The following SEC23A variants were observed in gnomAD, a reference collection of about 807,000 sequenced individuals.
The protein encoded by SEC23A is protein transport protein Sec23A.
Under a neutral mutation model 103.7 loss-of-function variants are expected in SEC23A, and 56 were observed. The ratio of observed to expected loss-of-function variants is 0.54; its 90% CI spans 0.44 to 0.67. SEC23A has a LOEUF of 0.67. Ranked by LOEUF, SEC23A falls within the 30% of genes least tolerant of loss-of-function variation. The pLI, the probability that SEC23A is intolerant of heterozygous loss-of-function variation, is 0.00. For synonymous variants in SEC23A, 281 were observed against 293.0 expected, an observed-to-expected ratio of 0.96 and a Z score of 0.42; for missense variants, 784 against 936.4, an observed-to-expected ratio of 0.84 and a Z score of 2.12.
intron 2 of SEC23A, 73 bp downstream of exon 2, chr14:39,095,825 T>C: frequency 1.7e-6 from 2 of 1,190,088 alleles, no homozygotes. Context: ...GGGATTTTTA[T>C]AAAAATATGC....
chr14:39,055,299 G>A lies in SEC23A; in HGVS notation c.1506-3C>T. On this transcript the variant is annotated splice_region_variant and splice_polypyrimidine_tract_variant and intron_variant, in intron 13 of 19. Transcript: ENST00000307712. ...TTTGAGTTTGAGCATCTGCCCAGCT[G>A]AAGACAATAAGAAAGCATAGAAATG... 6.2e-7 allele frequency: 1 copy of A among 1,613,762 alleles called. No individual in the cohort carries two copies. The highest frequency in any genetic ancestry group is 8.5e-7 in the Non-Finnish European group (1 of 1,179,848).
chr14:39,065,406 T>TAA (rs11396835), intron 10 of SEC23A, among the ~76,000 whole-genome samples: 3 of 147,026 alleles, frequency 2.0e-5, no homozygotes, highest in Middle Eastern at 3.5e-3. Flanking sequence ...ACCTTCTGTC[T>TAA]AAAAAAAAAA....
At chr14:39,039,127 A>T in intron 18 of SEC23A, 31 bp from the exon 19 acceptor site, 8 of 1,589,944 alleles carry the variant, frequency 5.0e-6, no homozygotes, top group Non-Finnish European at 6.9e-6. Flanking sequence ...AACATTATCC[A>T]TCAAAAATGG....
intron 7 of SEC23A, 94 bp from the exon 8 acceptor site, chr14:39,076,187 G>T: frequency 1.0e-6 from 1 of 957,396 alleles, no homozygotes; most frequent in Non-Finnish European, 1.6e-6. Flanking sequence ...TAAGAGAAAA[G>T]CATATATTTT....
intron 9 of SEC23A, 41 bp from the exon 10 acceptor site, chr14:39,067,337 T>A (rs1456033966): frequency 6.2e-6 from 10 of 1,608,304 alleles, no homozygotes; most frequent in Admixed American, 1.7e-5. Flanking sequence ...TTGACACAGT[T>A]ACTGAGTCCG....
intron 14 of SEC23A, among the ~76,000 whole-genome samples, chr14:39,053,956 G>C (rs970120027): frequency 6.6e-6 from 1 of 152,054 alleles, no homozygotes; most frequent in Non-Finnish European, 1.5e-5. Context: ...AAAATAGTGA[G>C]ACCCAGTCTC....
chr14:39,033,175 A>G lies in SEC23A; in HGVS notation c.*64T>C. The G allele has an allele frequency of 2.3e-6, 3 of 1,281,478 alleles. No individual in the cohort carries two copies. Among genetic ancestry groups the G allele is most frequent in the Non-Finnish European group, 3.4e-6 (3 of 877,246 alleles). The allele number at this position is 1,281,478 out of a possible 1,614,324, so 79.4% of individuals were successfully genotyped here. A position where few individuals can be genotyped will look rare whatever the true frequency, so the allele number is the denominator to read the frequency against. On this transcript the variant is annotated 3_prime_UTR_variant, in exon 20 of 20. Transcript: ENST00000307712. ...TGTTGGTTTCCACAGATAAATGGAAAAAGGAAAAAATGAAATTTGAATATT... is the reference window on the plus strand; with the variant it reads ...TGTTGGTTTCCACAGATAAATGGAAGAAGGAAAAAATGAAATTTGAATATT...
At chr14:39,033,393 A>G in intron 19 of SEC23A, 65 bp from the exon 20 acceptor site, 3 of 1,065,188 alleles carry the variant, frequency 2.8e-6, no homozygotes, top group Non-Finnish European at 4.4e-6. Flanking sequence ...TTATACACAA[A>G]TGTTTAAAAT....
intron 9 of SEC23A, among the ~76,000 whole-genome samples, chr14:39,068,214 A>C (rs59881143): frequency 1.3e-5 from 2 of 151,950 alleles, no homozygotes; most frequent in African/African-American, 4.8e-5. Flanking sequence ...AGATTGGCAA[A>C]AATCAGTTTG....
intron 9 of SEC23A, among the ~76,000 whole-genome samples, chr14:39,068,298 GGT>G (rs1423023625): frequency 6.6e-6 from 1 of 151,942 alleles, no homozygotes; most frequent in Non-Finnish European, 1.5e-5. Flanking sequence ...ACTGCAAAAT[GGT>G]ACAACCCCAG....
At chr14:39,065,109 A>C in intron 10 of SEC23A, 116 bp from the exon 11 acceptor site, 1 of 737,122 alleles carries the variant, frequency 1.4e-6, no homozygotes, top group Non-Finnish European at 2.4e-6. Flanking sequence ...AGCCAATGAA[A>C]ATATACTAAC....
chr14:39,042,885 A>C lies in SEC23A; in HGVS notation c.1900-13T>G. 6.4e-7 allele frequency: 1 copy of C among 1,560,662 alleles called. No homozygotes were observed. Among genetic ancestry groups the C allele is most frequent in the Non-Finnish European group, 8.8e-7 (1 of 1,132,008 alleles). ...CAAGAAGAACCGGCTAACGTAAAGA[A>C]AACAATGAGAAATGAGGAAAAAGGA... is the stretch of plus-strand genomic sequence containing the variant. On this transcript the variant is annotated splice_polypyrimidine_tract_variant and intron_variant, in intron 16 of 19. Coordinates refer to ENST00000307712, the MANE Select transcript of SEC23A (RefSeq NM_006364.4).
At chr14:39,042,939 G>C in intron 16 of SEC23A, 67 bp from the exon 17 acceptor site, 2 of 975,966 alleles carry the variant, frequency 2.0e-6, no homozygotes, top group Non-Finnish European at 3.2e-6. Context: ...ATATAAAATA[G>C]ATGTTTCCAG....
At chr14:39,097,473 T>C (rs1887926895) in intron 1 of SEC23A, among the ~76,000 whole-genome samples, 1 of 152,170 alleles carries the variant, frequency 6.6e-6, no homozygotes, top group South Asian at 2.1e-4. Flanking sequence ...GATTCTAAAA[T>C]TTAAGTGAAG....
At chr14:39,049,234 T>C (rs1885956432) in intron 14 of SEC23A, among the ~76,000 whole-genome samples, 1 of 151,750 alleles carries the variant, frequency 6.6e-6, no homozygotes, top group Non-Finnish European at 1.5e-5. Context: ...TCCCAGCACT[T>C]TGGGAGGCCA....
At chr14:39,051,105 C>A (rs966775161) in intron 14 of SEC23A, among the ~76,000 whole-genome samples, 11 of 152,152 alleles carry the variant, frequency 7.2e-5, no homozygotes, top group African/African-American at 2.4e-4. Context: ...TTTTCCTAAT[C>A]AAAAACCTAG....
intron 1 of SEC23A, among the ~76,000 whole-genome samples, chr14:39,101,129 C>G (rs956489429): frequency 2.0e-5 from 3 of 152,132 alleles, no homozygotes; most frequent in Non-Finnish European, 4.4e-5. Context: ...CAGGCGTAAA[C>G]TGCCGCACCC....
rs562200303 is a variant in SEC23A, at chr14:39,042,751, T to A, written c.1986+35A>T. 10 of 1,300,544 alleles carry A rather than the reference T, an allele frequency of 7.7e-6. No individual in the cohort carries two copies. The African/African-American group carries it at 1.0e-4, about 13-fold the overall frequency. The allele number at this position is 1,300,544 out of a possible 1,614,324, so 80.6% of individuals were successfully genotyped here. ...AAAACCTTTCTAAGTAAAAAGACTTTACATGCATAGCTTTAAATGCTATTG... is the reference window on the plus strand; with the variant it reads ...AAAACCTTTCTAAGTAAAAAGACTTAACATGCATAGCTTTAAATGCTATTG... On this transcript the variant is annotated intron_variant, in intron 17 of 19. Coordinates refer to ENST00000307712, the MANE Select transcript of SEC23A (RefSeq NM_006364.4).
intron 15 of SEC23A, chr14:39,047,414 C>T (rs1885876460): frequency 1.6e-6 from 2 of 1,288,618 alleles, no homozygotes; most frequent in Non-Finnish European, 2.0e-6. Flanking sequence ...AGGATCTCAC[C>T]AGAGGTTTTA....
Sources: allele counts gnomAD v4.1 joint callset (sites outside exome capture counted in the v4.1 genomes callset), GRCh38; gene constraint gnomAD v4.1.1; transcripts MANE v1.5; gene names NCBI Gene and HGNC (gene_info 2026-07-23, HGNC 2026-07-21).